The following MAP4K4 variants were observed in gnomAD, a reference collection of about 807,000 sequenced individuals.
The protein encoded by MAP4K4 is HPK/GCK-like kinase HGK.
A neutral mutation model predicts 189.6 loss-of-function variants in MAP4K4; 38 were observed. That is an observed-to-expected ratio of 0.20 (90% CI 0.15 to 0.26). The LOEUF (loss-of-function observed/expected upper bound fraction) is 0.26, where lower values mean the gene tolerates loss of function less well. Among genes scored for constraint, MAP4K4 ranks in the 10% least tolerant of loss-of-function variants. The pLI, the probability that MAP4K4 is intolerant of heterozygous loss-of-function variation, is 1.00. For missense variants in MAP4K4, 1,054 were observed against 1,726.9 expected (o/e 0.61, Z 6.91); for synonymous variants, 610 against 624.3 (o/e 0.98, Z 0.34).
At chr2:101,717,182 T>C (rs1008167178) in intron 2 of MAP4K4, among the ~76,000 whole-genome samples, 2 of 152,216 alleles carry the variant, frequency 1.3e-5, no homozygotes, top group Non-Finnish European at 2.9e-5. Flanking sequence ...ACCAACACTC[T>C]ACCTGCTTTT....
intron 26 of MAP4K4, among the ~76,000 whole-genome samples, chr2:101,875,621 C>CT (rs1456492402): frequency 6.6e-6 from 1 of 152,164 alleles, no homozygotes; most frequent in Non-Finnish European, 1.5e-5. Context: ...CTCACTCCCT[C>CT]TACACAAATA....
At chr2:101,863,359 G>A (rs1393634329) in intron 16 of MAP4K4, among the ~76,000 whole-genome samples, 2 of 152,064 alleles carry the variant, frequency 1.3e-5, no homozygotes, top group Non-Finnish European at 2.9e-5. Context: ...TACTCGCTCT[G>A]GTGTAAAATG....
chr2:101,877,682 G>A (rs1239313912), intron 27 of MAP4K4, among the ~76,000 whole-genome samples: 1 of 151,538 alleles, frequency 6.6e-6, no homozygotes, highest in Non-Finnish European at 1.5e-5. Flanking sequence ...TGCCATTATT[G>A]TAAAAGTATT....
intron 2 of MAP4K4, among the ~76,000 whole-genome samples, chr2:101,772,057 CTGTG>C (rs2081730891): frequency 6.6e-6 from 1 of 152,214 alleles, no homozygotes; most frequent in Admixed American, 6.5e-5. Context: ...TGTCCCTGTG[CTGTG>C]TGATTGTTCT....
chr2:101,867,072 G>A, intron 19 of MAP4K4, 140 bp from the exon 20 acceptor site: 1 of 617,702 alleles, frequency 1.6e-6, no homozygotes. Context: ...GGCCCCCTCT[G>A]CTCTGTAATT....
intron 2 of MAP4K4, among the ~76,000 whole-genome samples, chr2:101,729,288 A>T (rs568606922): frequency 6.6e-6 from 1 of 152,164 alleles, no homozygotes; most frequent in African/African-American, 2.4e-5. Context: ...ACAAAGTGAC[A>T]GAGTGGACAG....
intron 2 of MAP4K4, among the ~76,000 whole-genome samples, chr2:101,707,993 G>A (rs757906574): frequency 2.6e-5 from 4 of 151,494 alleles, no homozygotes; most frequent in Non-Finnish European, 2.9e-5. Context: ...GAGCCATCGC[G>A]CCCAGCCCAC....
Position 101,877,084 on chromosome 2 carries a change from A to G in MAP4K4, c.3323A>G (p.Asn1108Ser), listed in dbSNP as rs150787735. The change falls in exon 27 of 33, where the codon AAC becomes AGC. Residue 1108 changes from asparagine to serine, a missense_variant. Physicochemically the swap from Asn to Ser is conservative, Grantham distance 46. Around this residue, in one of 4 missense-constraint regions of MAP4K4, gnomAD observed 189 missense variants for 405.7 expected, o/e 0.47. Coordinates refer to ENST00000324219, the Ensembl canonical transcript of MAP4K4. Reference sequence around the variant, plus strand: ...CAAGGGAAGGTCTATCCTCTTATCAACCGAAGACGATTTCAACAAATGGAC... The same window carrying G: ...CAAGGGAAGGTCTATCCTCTTATCAGCCGAAGACGATTTCAACAAATGGAC... The G allele has an allele frequency of 3.9e-4, 635 of 1,613,992 alleles. 2 individuals carry two copies. Among genetic ancestry groups the G allele is most frequent in the African/African-American group, 9.3e-4 (70 of 75,056 alleles).
At chr2:101,864,036 C>A in exon 17 of MAP4K4, 1 of 1,364,044 alleles carries the variant, frequency 7.3e-7, no homozygotes, top group African/African-American at 1.5e-5. Context: ...CAGACAGTGA[C>A]GAGGTGCCTC....
chr2:101,698,109 TG>T lies in MAP4K4; in HGVS notation c.31del (p.Val11TrpfsTer60). The T allele has an allele frequency of 7.7e-7, 1 of 1,292,148 alleles. No individual in the cohort carries two copies. 80.0% of individuals were successfully genotyped at this position (1,292,148 alleles called of 1,614,324 possible). On this transcript the variant is annotated frameshift_variant, in exon 1 of 33. Coordinates refer to ENST00000324219, the Ensembl canonical transcript of MAP4K4. LOFTEE classifies it high-confidence loss of function. ...GCGAACGACTCCCCTGCAAAAAGTCTGGTGGACATCGACCTCTCCTCCCTGC... is the reference window on the plus strand; with the variant it reads ...GCGAACGACTCCCCTGCAAAAAGTCTGTGGACATCGACCTCTCCTCCCTGC...
In MAP4K4 at chr2:101,835,889, C is replaced by A. The variant is rs1345571091; in HGVS notation, c.695-11C>A. ...AAGTGCCATACTGACACGACCGTCTCCTCTCCCCAGCTCTCTGTGACATGC... is the reference window on the plus strand; with the variant it reads ...AAGTGCCATACTGACACGACCGTCTACTCTCCCCAGCTCTCTGTGACATGC... On this transcript the variant is annotated splice_polypyrimidine_tract_variant and intron_variant, in intron 8 of 32. Transcript: ENST00000324219. 6.3e-7 allele frequency: 1 copy of A among 1,599,786 alleles called. No individual in the cohort carries two copies. The highest frequency in any genetic ancestry group is 1.7e-4 in the Middle Eastern group (1 of 6,052).
intron 5 of MAP4K4, among the ~76,000 whole-genome samples, chr2:101,825,650 A>G (rs2096315787): frequency 6.6e-6 from 1 of 152,234 alleles, no homozygotes; most frequent in Non-Finnish European, 1.5e-5. Context: ...TAAAAAAAGC[A>G]TTTCTGAATT....
intron 2 of MAP4K4, among the ~76,000 whole-genome samples, chr2:101,783,386 T>A (rs917082870): frequency 6.6e-6 from 1 of 152,184 alleles, no homozygotes; most frequent in African/African-American, 2.4e-5. Flanking sequence ...ATAATTGTAA[T>A]AAATACTATG....
chr2:101,809,076 G>T (rs1459745510), intron 3 of MAP4K4, among the ~76,000 whole-genome samples: 1 of 152,134 alleles, frequency 6.6e-6, no homozygotes, highest in East Asian at 1.9e-4. Context: ...ATTTTAGAAA[G>T]ATTTCTCCTG....
intron 11 of MAP4K4, 45 bp from the exon 12 acceptor site, chr2:101,844,056 A>G: frequency 7.4e-7 from 1 of 1,346,366 alleles, no homozygotes; most frequent in Non-Finnish European, 1.1e-6. Context: ...CTTATAGGAC[A>G]GTGTGATCGG....
intron 2 of MAP4K4, among the ~76,000 whole-genome samples, chr2:101,704,133 A>G (rs528240160): frequency 1.3e-5 from 2 of 152,318 alleles, no homozygotes; most frequent in South Asian, 2.1e-4. Flanking sequence ...GGAGGTAAAG[A>G]CATCCACTGG....
chr2:101,874,358 G>A, intron 26 of MAP4K4, 106 bp downstream of exon 26: 1 of 986,560 alleles, frequency 1.0e-6, no homozygotes, highest in East Asian at 2.6e-5. Flanking sequence ...CAGGATGGAA[G>A]ACTTCTATGA....
At chr2:101,786,143 G>T (rs2148715978) in intron 2 of MAP4K4, among the ~76,000 whole-genome samples, 1 of 152,160 alleles carries the variant, frequency 6.6e-6, no homozygotes, top group Non-Finnish European at 1.5e-5. Context: ...TTTCTTTTGG[G>T]ATTTAAAAGC....
chr2:101,711,720 T>C (rs910719431), intron 2 of MAP4K4, among the ~76,000 whole-genome samples: 1 of 152,194 alleles, frequency 6.6e-6, no homozygotes, highest in Non-Finnish European at 1.5e-5. Flanking sequence ...GCTTTCAAAG[T>C]GTGAAATTCT....
Sources: gnomAD v4.1 joint callset for allele counts (sites outside exome capture counted in the v4.1 genomes callset) on GRCh38, gnomAD v4.1.1 for gene constraint, gnomAD v4.1.1 regional missense constraint, MANE v1.5 for transcripts, NCBI Gene and HGNC (gene_info 2026-07-23, HGNC 2026-07-21) for gene names.